Variants in ANK2 observed in about 807,000 individuals in gnomAD.
ANK2 encodes the protein ankyrin 2, also known as ankyrin-2.
In ANK2, 83 loss-of-function variants were observed where a neutral mutation model predicts 360.5. The ratio of observed to expected loss-of-function variants is 0.23; its 90% CI spans 0.19 to 0.28. The LOEUF is 0.28. Ranked by LOEUF, ANK2 falls within the 10% of genes least tolerant of loss-of-function variation. The pLI, the probability that ANK2 is intolerant of heterozygous loss-of-function variation, is 1.00. For synonymous variants in ANK2, 1,740 were observed against 1,759.5 expected, an observed-to-expected ratio of 0.99 and a Z score of 0.28; for missense variants, 4,201 against 4,795.7, an observed-to-expected ratio of 0.88 and a Z score of 3.66.
intron 2 of ANK2, among the ~76,000 whole-genome samples, chr4:112,993,836 A>T (rs544939228): frequency 9.9e-5 from 15 of 151,868 alleles, no homozygotes; most frequent in African/African-American, 3.6e-4. Flanking sequence ...CCTCCTGAAT[A>T]GCCAGGATTA....
At chr4:113,284,575 A>C (rs2063659219) in intron 18 of ANK2, among the ~76,000 whole-genome samples, 2 of 152,186 alleles carry the variant, frequency 1.3e-5, no homozygotes, top group Admixed American at 6.5e-5. Flanking sequence ...GCGTTTTATC[A>C]GTTAGCAAAC....
chr4:113,237,062 A>G lies in ANK2; in HGVS notation c.559A>G (p.Thr187Ala), dbSNP rs2099389159. Reference sequence around the variant, plus strand: ...GGTGGCCATCCTCTTGGAGAATGACACCAAAGGGAAAGTGAGGCTGCCAGC... The same window carrying G: ...GGTGGCCATCCTCTTGGAGAATGACGCCAAAGGGAAAGTGAGGCTGCCAGC... ...QAVAILLEND[T>A]KGKVRLPALH... The change falls in exon 6 of 46, where the codon ACC (threonine) becomes GCC (alanine). Residue 187 changes from threonine (T) to alanine (A), a missense_variant. Physicochemically the swap from Thr to Ala is moderately conservative, Grantham distance 58. This residue lies in a region of ANK2 where 122 missense variants were observed against 239.3 expected (regional missense o/e 0.51). Coordinates refer to ENST00000357077, the MANE Select transcript of ANK2 (RefSeq NM_001148.6). 1.2e-6 allele frequency: 2 copies of G among 1,614,068 alleles called. No homozygotes were observed. The highest frequency in any genetic ancestry group is 1.7e-6 in the Non-Finnish European group (2 of 1,180,032).
chr4:113,314,488 T>C (rs1263212712), intron 24 of ANK2, among the ~76,000 whole-genome samples: 2 of 152,206 alleles, frequency 1.3e-5, no homozygotes, highest in African/African-American at 4.8e-5. Context: ...ATCCCCTAGA[T>C]GAACAGCAAG....
chr4:113,249,581 A>T (rs2044986778), intron 9 of ANK2, among the ~76,000 whole-genome samples, 183 bp from the exon 10 acceptor site: 1 of 152,110 alleles, frequency 6.6e-6, no homozygotes, highest in Admixed American at 6.6e-5. Flanking sequence ...CTCTGTGAAG[A>T]TGTACTTCTG....
chr4:113,315,749 AT>A (rs896086919), intron 24 of ANK2, among the ~76,000 whole-genome samples: 2 of 151,654 alleles, frequency 1.3e-5, no homozygotes, highest in African/African-American at 4.9e-5. Context: ...ATACAAAAAA[AT>A]TAGCCAGGCG....
chr4:112,965,780 G>C (rs1005146446), intron 2 of ANK2, among the ~76,000 whole-genome samples: 1 of 152,030 alleles, frequency 6.6e-6, no homozygotes, highest in African/African-American at 2.4e-5. Context: ...ATTCACTGTA[G>C]GTGTATGAAT....
chr4:113,171,244 C>G (rs953587324), intron 1 of ANK2, among the ~76,000 whole-genome samples: 6 of 152,158 alleles, frequency 3.9e-5, no homozygotes, highest in African/African-American at 1.4e-4. Context: ...TTTGAATCCT[C>G]TTTCATCTCT....
intron 1 of ANK2, among the ~76,000 whole-genome samples, chr4:113,099,209 ACT>A (rs2092331404): frequency 6.6e-6 from 1 of 151,864 alleles, no homozygotes; most frequent in East Asian, 1.9e-4. Context: ...AAGAAATAAA[ACT>A]CTCTTTGTTC....
intron 1 of ANK2, among the ~76,000 whole-genome samples, chr4:112,886,765 C>G (rs2078516816): frequency 6.6e-6 from 1 of 152,126 alleles, no homozygotes; most frequent in Non-Finnish European, 1.5e-5. Context: ...ATTTAACTGC[C>G]TTCCAGAAAA....
chr4:113,158,997 A>T (rs1482900916), intron 1 of ANK2, among the ~76,000 whole-genome samples: 1 of 152,200 alleles, frequency 6.6e-6, no homozygotes, highest in Non-Finnish European at 1.5e-5. Flanking sequence ...TTTACATAAA[A>T]AAAGGTAAGG....
At chr4:113,046,540 C>A (rs1257935153), upstream of ANK2, among the ~76,000 whole-genome samples, 1 of 151,884 alleles carries the variant, frequency 6.6e-6, no homozygotes, top group East Asian at 1.9e-4. Flanking sequence ...CTAGGTAGGC[C>A]CTTTTTGCTT....
chr4:113,162,374 C>T (rs191534216), intron 1 of ANK2, among the ~76,000 whole-genome samples: 42 of 152,280 alleles, frequency 2.8e-4, no homozygotes, highest in African/African-American at 8.4e-4. Flanking sequence ...CCTATTAGGA[C>T]ATACAAAACA....
At chr4:112,825,451 C>G (rs1579101851) in intron 1 of ANK2, among the ~76,000 whole-genome samples, 1 of 152,276 alleles carries the variant, frequency 6.6e-6, no homozygotes, top group Non-Finnish European at 1.5e-5. Context: ...AGTTAGATCC[C>G]TTATCCCTTA....
upstream of ANK2, among the ~76,000 whole-genome samples, chr4:112,817,449 T>C (rs1183520356): frequency 1.3e-5 from 2 of 152,186 alleles, no homozygotes; most frequent in Non-Finnish European, 2.9e-5. Flanking sequence ...TCTGCTTATC[T>C]GCCTATCCGT....
chr4:113,369,420 A>G (rs2096651226), intron 42 of ANK2, 94 bp from the exon 43 acceptor site: 2 of 1,371,506 alleles, frequency 1.5e-6, no homozygotes, highest in Non-Finnish European at 2.1e-6. Context: ...TAGACTATGG[A>G]AAAACCAGCT....
chr4:112,852,883 A>G (rs1340033619), intron 1 of ANK2, among the ~76,000 whole-genome samples: 1 of 152,230 alleles, frequency 6.6e-6, no homozygotes, highest in East Asian at 1.9e-4. Context: ...GTCTAGGCTC[A>G]TTGATTTTAA....
Position 113,355,985 on chromosome 4 carries a change from A to G in ANK2, c.7367A>G (p.Glu2456Gly), listed in dbSNP as rs2095741311. The change falls in exon 38 of 46, where the codon GAG (glutamate) becomes GGG (glycine). Residue 2456 changes from glutamate (E) to glycine (G), a missense_variant. Glu to Gly is a moderately conservative substitution (Grantham distance 98, BLOSUM62 -2). Transcript: ENST00000357077. The stretch of plus-strand genomic sequence containing the variant: ...TCACACAAAACCCCTGATTCTCTGG[A>G]GCCAAGTCCTCTGAAAGAATCCCCT... Reference protein sequence around the residue: ...NSSHKTPDSLEPSPLKESPCR... With the variant: ...NSSHKTPDSLGPSPLKESPCR... 6.2e-7 allele frequency: 1 copy of G among 1,613,992 alleles called. No individual in the cohort carries two copies. The highest frequency in any genetic ancestry group is 1.3e-5 in the African/African-American group (1 of 74,918).
intron 1 of ANK2, among the ~76,000 whole-genome samples, chr4:113,097,876 G>GTATATATATATATATA (rs1562040937): frequency 3.8e-5 from 4 of 105,928 alleles, no homozygotes; most frequent in Admixed American, 1.0e-4. Context: ...GTATATATAT[G>GTATATATATATATATA]CACACACACA....
At chr4:113,184,541 A>G (rs2098477302) in intron 2 of ANK2, among the ~76,000 whole-genome samples, 1 of 152,128 alleles carries the variant, frequency 6.6e-6, no homozygotes, top group African/African-American at 2.4e-5. Context: ...TATGCACTAC[A>G]AACACAGGTG....
Sources: allele counts gnomAD v4.1 joint callset (sites outside exome capture counted in the v4.1 genomes callset), GRCh38; gene constraint gnomAD v4.1.1; regional missense constraint gnomAD v4.1.1; transcripts MANE v1.5; gene names NCBI Gene and HGNC (gene_info 2026-07-23, HGNC 2026-07-21).